COL21A1: variants seen among roughly 807,000 people sequenced by gnomAD.
COL21A1 encodes the protein collagen alpha-1(XXI) chain.
COL21A1 carries 149 observed loss-of-function variants against 137.9 expected under a neutral mutation model. That is an observed-to-expected ratio of 1.08 (90% confidence interval 0.95 to 1.24). The LOEUF is 1.24. Ranked by LOEUF, COL21A1 falls within the 50% of genes most tolerant of loss-of-function variation. The probability of loss-of-function intolerance (pLI) is 0.00; values close to 1 mark genes in which losing one functional copy is unlikely to be tolerated. For missense variants in COL21A1, 1,167 were observed against 1,158.4 expected (o/e 1.01, Z -0.11); for synonymous variants, 456 against 391.5 (o/e 1.16, Z -1.95).
At chr6:56,149,851 T>C (rs1775148694) in intron 10 of COL21A1, among the ~76,000 whole-genome samples, 1 of 152,194 alleles carries the variant, frequency 6.6e-6, no homozygotes, top group African/African-American at 2.4e-5. Context: ...TCCTTCTGTG[T>C]TTGCGCTCAT....
At chr6:56,174,749 C>A (rs1777322583) in intron 3 of COL21A1, among the ~76,000 whole-genome samples, 1 of 152,006 alleles carries the variant, frequency 6.6e-6, no homozygotes, top group Admixed American at 6.6e-5. Flanking sequence ...GAATTAATAT[C>A]TTTCTTAAGA....
chr6:56,362,189 C>A (rs938546851), intron 1 of COL21A1, among the ~76,000 whole-genome samples: 2 of 151,928 alleles, frequency 1.3e-5, no homozygotes, highest in South Asian at 2.1e-4. Context: ...AGCAGTATAG[C>A]AAGTGAAAAA....
At chr6:56,325,536 A>T (rs867846104) in intron 1 of COL21A1, among the ~76,000 whole-genome samples, 11 of 896 alleles carry the variant, frequency 0.012, 3 homozygotes, top group African/African-American at 0.028. Flanking sequence ...TATTATATAT[A>T]AATATATAAT....
At chr6:56,141,149 T>C (rs539064026) in intron 12 of COL21A1, among the ~76,000 whole-genome samples, 146 of 152,304 alleles carry the variant, frequency 9.6e-4, no homozygotes, top group African/African-American at 3.4e-3. Flanking sequence ...CCCATTTTAT[T>C]GCAGCACTAT....
At chr6:56,263,412 G>A (rs1422587646) in intron 1 of COL21A1, among the ~76,000 whole-genome samples, 2 of 152,148 alleles carry the variant, frequency 1.3e-5, no homozygotes, top group Non-Finnish European at 2.9e-5. Flanking sequence ...TTTACTATGG[G>A]GAGTATTGAA....
intron 1 of COL21A1, among the ~76,000 whole-genome samples, chr6:56,210,114 G>T (rs1780064726): frequency 6.6e-6 from 1 of 152,062 alleles, no homozygotes; most frequent in African/African-American, 2.4e-5. Context: ...TGGGTGGTGG[G>T]GGGCTGGGGG....
chr6:56,064,632 A>G lies in COL21A1; in HGVS notation c.2128-10T>C. 1 of 1,532,872 alleles carries G rather than the reference A, an allele frequency of 6.5e-7. No homozygotes were observed. Among genetic ancestry groups the G allele is most frequent in the Non-Finnish European group, 8.9e-7 (1 of 1,129,088 alleles). The allele number at this position is 1,532,872 out of a possible 1,614,324, so 95.0% of individuals were successfully genotyped here. A position where few individuals can be genotyped will look rare whatever the true frequency, so the allele number is the denominator to read the frequency against. On this transcript the variant is annotated splice_polypyrimidine_tract_variant and intron_variant, in intron 23 of 29. Transcript: ENST00000244728. ...TTTCTCCCTTTTGACCCTTTAAAAT[A>G]AAAAAAAACATTATTGATTAGTTTG...
At chr6:56,257,994 T>C (rs545706869) in intron 1 of COL21A1, among the ~76,000 whole-genome samples, 1 of 152,218 alleles carries the variant, frequency 6.6e-6, no homozygotes, top group East Asian at 1.9e-4. Context: ...TTATGGATAA[T>C]ATGGGTAATT....
At chr6:56,336,314 T>A (rs1562062163) in intron 1 of COL21A1, among the ~76,000 whole-genome samples, 1 of 152,182 alleles carries the variant, frequency 6.6e-6, no homozygotes, top group Non-Finnish European at 1.5e-5. Flanking sequence ...CCTATATAAT[T>A]TAAGTTTAGA....
At chr6:56,124,835 C>T (rs556311193) in intron 14 of COL21A1, among the ~76,000 whole-genome samples, 192 of 151,732 alleles carry the variant, frequency 1.3e-3, no homozygotes, top group African/African-American at 4.2e-3. Context: ...TTACTAGAGA[C>T]GGGGTTTCAC....
At chr6:56,291,568 G>A (rs1411912404) in intron 1 of COL21A1, among the ~76,000 whole-genome samples, 3 of 152,218 alleles carry the variant, frequency 2.0e-5, no homozygotes, top group Non-Finnish European at 4.4e-5. Flanking sequence ...AATGCGGGTC[G>A]CAGAGTCTAG....
At chr6:56,176,583 G>A (rs1374343722) in intron 3 of COL21A1, among the ~76,000 whole-genome samples, 4 of 140,412 alleles carry the variant, frequency 2.8e-5, no homozygotes, top group African/African-American at 1.1e-4. Flanking sequence ...ATACATGTTA[G>A]GCTGGCCATT....
intron 1 of COL21A1, among the ~76,000 whole-genome samples, chr6:56,320,366 T>G (rs1764835131): frequency 6.6e-6 from 1 of 152,114 alleles, no homozygotes; most frequent in Admixed American, 6.6e-5. Context: ...GCTTCTTTCC[T>G]TGTGCTTCTC....
chr6:56,343,521 C>A (rs1459830207), intron 1 of COL21A1, among the ~76,000 whole-genome samples: 1 of 152,166 alleles, frequency 6.6e-6, no homozygotes, highest in Admixed American at 6.5e-5. Context: ...CTCTTTCTTG[C>A]TGGGTGAATG....
Position 56,172,347 on chromosome 6 carries a change from T to C in COL21A1, c.641-1219A>G, listed in dbSNP as rs572422678. On this transcript the variant is annotated intron_variant, in intron 3 of 29. Coordinates refer to ENST00000244728, the MANE Select transcript of COL21A1 (RefSeq NM_030820.4). ...ATCAGCAGATTTCTCAATAGCACCA[T>C]TGCAGGCCAGGAGTGGGATGACATA... is the stretch of plus-strand genomic sequence containing the variant. Among the ~76,000 whole-genome samples, 27 of 152,214 alleles carry C rather than the reference T, an allele frequency of 1.8e-4. No homozygotes were observed. In the South Asian group the frequency reaches 3.1e-3, roughly 18 times the overall value.
At chr6:56,316,500 G>A (rs1435283599) in intron 1 of COL21A1, among the ~76,000 whole-genome samples, 1 of 4,288 alleles carries the variant, frequency 2.3e-4, no homozygotes, top group Non-Finnish European at 7.5e-4. Flanking sequence ...TTTTTTTTTT[G>A]AGACAGAGTC....
At chr6:56,076,464 AT>A (rs200025606) in intron 18 of COL21A1, among the ~76,000 whole-genome samples, 7 of 148,140 alleles carry the variant, frequency 4.7e-5, no homozygotes, top group South Asian at 2.1e-4. Context: ...TAGATATGAG[AT>A]TTTTTTAAAT....
At chr6:56,247,947 C>T (rs963902297), upstream of COL21A1, among the ~76,000 whole-genome samples, 1 of 152,218 alleles carries the variant, frequency 6.6e-6, no homozygotes, top group South Asian at 2.1e-4. Context: ...AGAAGAACCC[C>T]CCTCTGGGGC....
chr6:56,064,044 A>G (rs1766028109), intron 24 of COL21A1, among the ~76,000 whole-genome samples: 1 of 152,126 alleles, frequency 6.6e-6, no homozygotes, highest in Non-Finnish European at 1.5e-5. Context: ...CCTAATGAGA[A>G]CAGTTTAGTC....
Sources: gnomAD v4.1 joint callset for allele counts (sites outside exome capture counted in the v4.1 genomes callset) on GRCh38, gnomAD v4.1.1 for gene constraint, MANE v1.5 for transcripts, NCBI Gene and HGNC (gene_info 2026-07-23, HGNC 2026-07-21) for gene names.